ATP1B3: variants seen among roughly 807,000 people sequenced by gnomAD.
The protein encoded by ATP1B3 is sodium/potassium-transporting ATPase subunit beta-3.
ATP1B3 carries 10 observed loss-of-function variants against 30.2 expected under a neutral mutation model. That is an observed-to-expected ratio of 0.33 (90% CI 0.20 to 0.56). The LOEUF (loss-of-function observed/expected upper bound fraction) is 0.56. Ranked by LOEUF, ATP1B3 falls within the 20% of genes least tolerant of loss-of-function variation. The pLI is 0.90. For synonymous variants in ATP1B3, 113 were observed against 117.0 expected, an observed-to-expected ratio of 0.97 and a Z score of 0.22; for missense variants, 238 against 336.7, an observed-to-expected ratio of 0.71 and a Z score of 2.29.
intron 1 of ATP1B3, among the ~76,000 whole-genome samples, chr3:141,897,647 TATAC>T (rs892702438): frequency 5.3e-5 from 8 of 152,214 alleles, no homozygotes; most frequent in Admixed American, 6.5e-5. Flanking sequence ...AGAGTGTGTG[TATAC>T]ATACATATAT....
chr3:141,903,577 C>T (rs756755752), intron 1 of ATP1B3, 43 bp from the exon 2 acceptor site: 2 of 1,609,134 alleles, frequency 1.2e-6, no homozygotes, highest in South Asian at 2.2e-5. Context: ...CATACACACA[C>T]ACACGCACGT....
At chr3:141,900,676 G>T (rs148570521) in intron 1 of ATP1B3, among the ~76,000 whole-genome samples, 2 of 152,076 alleles carry the variant, frequency 1.3e-5, no homozygotes, top group African/African-American at 4.8e-5. Flanking sequence ...TGAATTGTAC[G>T]CCCAGTGTGG....
chr3:141,901,426 ATG>A (rs552144100), intron 1 of ATP1B3, among the ~76,000 whole-genome samples: 212 of 152,322 alleles, frequency 1.4e-3, no homozygotes, highest in Non-Finnish European at 2.3e-3. Context: ...GTATATTTAT[ATG>A]TGAGACTGAC....
chr3:141,925,486 A>C (rs1934642562), intron 6 of ATP1B3, 45 bp from the exon 7 acceptor site: 2 of 1,542,484 alleles, frequency 1.3e-6, no homozygotes, highest in African/African-American at 1.4e-5. Flanking sequence ...AGAAGTATTA[A>C]GTTTCCATAG....
chr3:141,902,601 G>T (rs769464500), intron 1 of ATP1B3, among the ~76,000 whole-genome samples: 20 of 152,200 alleles, frequency 1.3e-4, no homozygotes, highest in Non-Finnish European at 2.5e-4. Context: ...GATTTTAAGT[G>T]TTCCCAAAGT....
chr3:141,901,233 A>G (rs1198942467), intron 1 of ATP1B3, among the ~76,000 whole-genome samples: 1 of 152,208 alleles, frequency 6.6e-6, no homozygotes, highest in African/African-American at 2.4e-5. Context: ...TGGCACATTG[A>G]ATAGGTTCCA....
At chr3:141,887,989 A>G (rs1432516026) in intron 1 of ATP1B3, among the ~76,000 whole-genome samples, 1 of 152,220 alleles carries the variant, frequency 6.6e-6, no homozygotes, top group Non-Finnish European at 1.5e-5. Context: ...GCTTTGGATC[A>G]TAAGTGAATG....
intron 1 of ATP1B3, among the ~76,000 whole-genome samples, chr3:141,877,207 C>T (rs1933618523): frequency 7.9e-6 from 1 of 125,846 alleles, no homozygotes; most frequent in African/African-American, 3.0e-5. Flanking sequence ...TCCCGCCCGG[C>T]GCGGCGCCGG....
At chr3:141,916,063 C>T (rs578129421) in intron 5 of ATP1B3, 43 bp downstream of exon 5, 3 of 1,506,234 alleles carry the variant, frequency 2.0e-6, no homozygotes, top group Non-Finnish European at 9.1e-7. Flanking sequence ...TTTGATGTTT[C>T]TTAAAATACT....
intron 1 of ATP1B3, 77 bp downstream of exon 1, chr3:141,876,987 A>G (rs1418063001): frequency 3.5e-6 from 4 of 1,145,454 alleles, no homozygotes; most frequent in Non-Finnish European, 4.7e-6. Context: ...GGGAACGGAA[A>G]GGCGGGAGGC....
chr3:141,891,906 T>C (rs1436577769), intron 1 of ATP1B3, among the ~76,000 whole-genome samples: 1 of 150,792 alleles, frequency 6.6e-6, no homozygotes, highest in Admixed American at 6.6e-5. Flanking sequence ...TTTTTTTTAA[T>C]GTTTTTTAGT....
chr3:141,907,346 A>ATGGT lies in ATP1B3; in HGVS notation c.346+72_346+73insTGGT, dbSNP rs1934281794. On this transcript the variant is annotated intron_variant, in intron 3 of 6. Coordinates refer to ENST00000286371, the MANE Select transcript of ATP1B3 (RefSeq NM_001679.4). ...ATTAGTACCAAATTGTGGGCCGGGC[A>ATGGT]CGGTAGCTCACGCCTGTAATCCCAG... The ATGGT allele has an allele frequency of 8.4e-5, 96 of 1,146,442 alleles. 1 individual carries two copies. In the Middle Eastern group the frequency reaches 1.1e-3, roughly 14 times the overall value. 71.0% of individuals were successfully genotyped at this position (1,146,442 alleles called of 1,614,324 possible).
chr3:141,877,510 C>T (rs772130966), intron 1 of ATP1B3: 1 of 152,208 alleles, frequency 6.6e-6, no homozygotes, highest in Non-Finnish European at 1.5e-5. Context: ...CACAGAAGTA[C>T]ATTGTACAAG....
intron 1 of ATP1B3, among the ~76,000 whole-genome samples, chr3:141,888,562 A>G (rs1260358762): frequency 6.6e-6 from 1 of 152,118 alleles, no homozygotes; most frequent in African/African-American, 2.4e-5. Context: ...ATAAAGAACT[A>G]CCTGAGACTG....
intron 5 of ATP1B3, among the ~76,000 whole-genome samples, chr3:141,920,123 CAG>C (rs1398855130): frequency 1.3e-5 from 2 of 152,134 alleles, no homozygotes; most frequent in African/African-American, 4.8e-5. Flanking sequence ...TAGGCACACA[CAG>C]AGAGCAGTTG....
intron 1 of ATP1B3, among the ~76,000 whole-genome samples, chr3:141,898,682 A>C (rs1313243911): frequency 6.6e-6 from 1 of 152,228 alleles, no homozygotes; most frequent in Admixed American, 6.5e-5. Flanking sequence ...ACAGTCTACC[A>C]GTTACTCAAA....
chr3:141,916,141 CT>C (rs1423364148), intron 5 of ATP1B3, 121 bp downstream of exon 5: 134 of 782,776 alleles, frequency 1.7e-4, no homozygotes, highest in Non-Finnish European at 2.2e-4. Flanking sequence ...TTTGTAGTGC[CT>C]TAGAATAAAA....
intron 3 of ATP1B3, among the ~76,000 whole-genome samples, chr3:141,911,224 T>C (rs1344620952): frequency 6.6e-6 from 1 of 152,166 alleles, no homozygotes. Flanking sequence ...CTTAGACCTC[T>C]TGTTTTTCTC....
intron 1 of ATP1B3, among the ~76,000 whole-genome samples, chr3:141,897,170 G>C (rs1934081943): frequency 6.6e-6 from 1 of 152,170 alleles, no homozygotes; most frequent in African/African-American, 2.4e-5. Flanking sequence ...TGCTCCTGCT[G>C]TGGTACTCCA....
Sources: allele counts gnomAD v4.1 joint callset (sites outside exome capture counted in the v4.1 genomes callset), GRCh38; gene constraint gnomAD v4.1.1; transcripts MANE v1.5; gene names NCBI Gene and HGNC (gene_info 2026-07-23, HGNC 2026-07-21).